Variants in AFAP1 observed in about 807,000 individuals in gnomAD.
AFAP1 encodes actin filament associated protein 1.
AFAP1 carries 75 observed loss-of-function variants against 93.9 expected under a neutral mutation model. The ratio of observed to expected loss-of-function variants is 0.80; its 90% CI spans 0.66 to 0.97. AFAP1 has a LOEUF of 0.97. Among genes scored for constraint, AFAP1 ranks in the 50% least tolerant of loss-of-function variants. The pLI, the probability that AFAP1 is intolerant of heterozygous loss-of-function variation, is 0.00. For synonymous variants in AFAP1, 517 were observed against 430.7 expected (o/e 1.20, Z -2.48); for missense variants, 1,201 against 1,050.8 (o/e 1.14, Z -1.98).
chr4:7,926,987 C>A (rs143304342), intron 1 of AFAP1, among the ~76,000 whole-genome samples: 2 of 152,212 alleles, frequency 1.3e-5, no homozygotes, highest in Non-Finnish European at 2.9e-5. Context: ...CCACCTGCCT[C>A]GGCCTCCCAA....
chr4:7,771,021 A>C (rs1476984848), intron 16 of AFAP1, among the ~76,000 whole-genome samples: 1 of 152,072 alleles, frequency 6.6e-6, no homozygotes, highest in Non-Finnish European at 1.5e-5. Flanking sequence ...TGTCCAAGGC[A>C]CCTCCTAGCC....
chr4:7,915,891 A>G (rs1720060022), intron 1 of AFAP1, among the ~76,000 whole-genome samples: 1 of 152,260 alleles, frequency 6.6e-6, no homozygotes, highest in South Asian at 2.1e-4. Flanking sequence ...GGAAACCAAA[A>G]TAATTACTTA....
intron 8 of AFAP1, among the ~76,000 whole-genome samples, chr4:7,813,817 T>G (rs1353298429): frequency 6.6e-6 from 1 of 152,186 alleles, no homozygotes; most frequent in African/African-American, 2.4e-5. Flanking sequence ...TGTAATGTCA[T>G]AACAGTCCAG....
chr4:7,876,156 C>T lies in AFAP1; in HGVS notation c.-2-4076G>A, dbSNP rs116510103. 6.1e-3 allele frequency among the ~76,000 whole-genome samples: 931 copies of T among 152,322 alleles called. 10 individuals are homozygous for T. Among genetic ancestry groups the T allele is most frequent in the African/African-American group, 0.02 (815 of 41,564 alleles). The stretch of plus-strand genomic sequence containing the variant: ...ATCTGAAGAGAACCTAAGGATGCAT[C>T]GATCCTAACTTGCCACCTAAAACCT... On this transcript the variant is annotated intron_variant, in intron 1 of 17. Transcript: ENST00000420658.
chr4:7,781,350 G>A (rs749789910), intron 13 of AFAP1, 26 bp downstream of exon 13: 43 of 1,549,338 alleles, frequency 2.8e-5, no homozygotes, highest in Non-Finnish European at 3.5e-5. Context: ...GGTGGTTCTA[G>A]AATCTTACAG....
At chr4:7,799,403 A>C (rs1457285747) in intron 10 of AFAP1, among the ~76,000 whole-genome samples, 1 of 152,080 alleles carries the variant, frequency 6.6e-6, no homozygotes, top group Non-Finnish European at 1.5e-5. Flanking sequence ...AGATCTTCAG[A>C]AAGACTGCCT....
intron 4 of AFAP1, among the ~76,000 whole-genome samples, chr4:7,844,701 G>T (rs1318081636): frequency 6.6e-6 from 1 of 152,190 alleles, no homozygotes; most frequent in Non-Finnish European, 1.5e-5. Context: ...AATTAAACTG[G>T]CAAAGCCCTT....
At chr4:7,802,985 C>T (rs1269759197) in intron 9 of AFAP1, among the ~76,000 whole-genome samples, 2 of 152,224 alleles carry the variant, frequency 1.3e-5, no homozygotes, top group Non-Finnish European at 2.9e-5. Flanking sequence ...AGAGAATCAA[C>T]TATCATATCT....
At chr4:7,927,483 G>A (rs6824700) in intron 1 of AFAP1, among the ~76,000 whole-genome samples, 46,665 of 152,092 alleles carry the variant, frequency 0.31, 7,598 homozygotes, top group Admixed American at 0.4. Context: ...GGCACATGGA[G>A]GAGTTCAACG....
In AFAP1 at chr4:7,924,685, A is replaced by C. The variant is rs747656765; in HGVS notation, c.-3+14971T>G. On this transcript the variant is annotated intron_variant, in intron 1 of 17. Coordinates refer to ENST00000420658, the MANE Select transcript of AFAP1 (RefSeq NM_001134647.2). ...ACAGACCATGCCTGACCATGTGTAT[A>C]AAGACAGAACTCAGACCACAACCTG... Among the ~76,000 whole-genome samples the C allele has an allele frequency of 4.6e-5, 7 of 152,144 alleles. 1 individual carries two copies. In the East Asian group the frequency reaches 1.3e-3, roughly 29 times the overall value.
At chr4:7,901,594 C>G (rs73073948) in intron 1 of AFAP1, among the ~76,000 whole-genome samples, 1 of 152,116 alleles carries the variant, frequency 6.6e-6, no homozygotes, top group Non-Finnish European at 1.5e-5. Flanking sequence ...GAGAACCGCA[C>G]AGGAGGGAAA....
chr4:7,868,993 A>AG (rs1491200251), intron 2 of AFAP1, among the ~76,000 whole-genome samples: 8 of 151,488 alleles, frequency 5.3e-5, no homozygotes, highest in Non-Finnish European at 1.2e-4. Context: ...AAAAGAAAAG[A>AG]AAAGAGAAAG....
intron 6 of AFAP1, among the ~76,000 whole-genome samples, chr4:7,824,091 T>C (rs1481823680): frequency 6.6e-6 from 1 of 152,192 alleles, no homozygotes; most frequent in East Asian, 1.9e-4. Flanking sequence ...CAGAGTTTAG[T>C]CAGAAGTAAT....
intron 1 of AFAP1, among the ~76,000 whole-genome samples, chr4:7,887,998 T>A (rs34984446): frequency 6.6e-6 from 1 of 151,534 alleles, no homozygotes; most frequent in East Asian, 1.9e-4. Context: ...GGCTAAGTTT[T>A]GTATTTTTGG....
intron 4 of AFAP1, among the ~76,000 whole-genome samples, chr4:7,850,514 G>C (rs909409670): frequency 2.6e-5 from 4 of 152,246 alleles, no homozygotes; most frequent in Admixed American, 1.3e-4. Context: ...CAGCCAATGA[G>C]CGTTGTAGTG....
chr4:7,888,314 A>T (rs762539320), intron 1 of AFAP1, among the ~76,000 whole-genome samples: 2 of 151,956 alleles, frequency 1.3e-5, no homozygotes, highest in Non-Finnish European at 2.9e-5. Flanking sequence ...AACTCTCCTC[A>T]CCCCTTCTGT....
chr4:7,790,012 C>T (rs1717719879), intron 11 of AFAP1, among the ~76,000 whole-genome samples: 1 of 152,214 alleles, frequency 6.6e-6, no homozygotes, highest in Non-Finnish European at 1.5e-5. Flanking sequence ...TATTATCTTA[C>T]ACTTTCCTCT....
chr4:7,801,446 C>G (rs114207015), intron 9 of AFAP1, among the ~76,000 whole-genome samples: 1,637 of 151,838 alleles, frequency 0.011, 24 homozygotes, highest in African/African-American at 0.036. Flanking sequence ...AAAAAAAAAC[C>G]TCCTCAAATA....
In AFAP1 at chr4:7,781,585, A is replaced by G. The variant is rs1284384209; in HGVS notation, c.1573T>C (p.Leu525=). Residue 525 remains leucine (L), a synonymous_variant, in exon 13 of 18, where the codon TTG becomes CTG. Transcript: ENST00000420658. ...TTATCATAAAGCACCTCTTCTCCCA[A>G]GCCTCTGCTGCAGGAAGCAGGAAAG... ...DGFPASCSRG[L]GEEVLYDNAG... is the part of the protein sequence containing the mutation. 6.4e-7 allele frequency: 1 copy of G among 1,551,760 alleles called. No individual in the cohort carries two copies. Among genetic ancestry groups the G allele is most frequent in the Admixed American group, 2.0e-5 (1 of 50,998 alleles).
Sources: gnomAD v4.1 joint callset for allele counts (sites outside exome capture counted in the v4.1 genomes callset) on GRCh38, gnomAD v4.1.1 for gene constraint, MANE v1.5 for transcripts, NCBI Gene and HGNC (gene_info 2026-07-23, HGNC 2026-07-21) for gene names.